Variants in BOLL observed in about 807,000 individuals in gnomAD.
BOLL encodes the protein protein boule-like.
A neutral mutation model predicts 44.4 loss-of-function variants in BOLL; 23 were observed. That is an observed-to-expected ratio of 0.52 (90% CI 0.37 to 0.73). The LOEUF is 0.73. BOLL is among the 30% of genes least tolerant of loss of function. BOLL has a pLI of 0.00. For missense variants in BOLL, 287 were observed against 338.3 expected (o/e 0.85, Z 1.19); for synonymous variants, 97 against 110.8 (o/e 0.88, Z 0.78).
chr2:197,766,787 C>A (rs189230211), intron 6 of BOLL, among the ~76,000 whole-genome samples, 184 bp from the exon 7 acceptor site: 99 of 152,004 alleles, frequency 6.5e-4, no homozygotes, highest in African/African-American at 2.2e-3. Flanking sequence ...CACAATATTT[C>A]TACTTCTACG....
At chr2:197,782,944 A>C (rs780471903) in intron 1 of BOLL, among the ~76,000 whole-genome samples, 3 of 152,104 alleles carry the variant, frequency 2.0e-5, no homozygotes, top group African/African-American at 2.4e-5. Context: ...AATTTTAATA[A>C]ATATATATAA....
chr2:197,752,240 A>G (rs1404341614), intron 9 of BOLL, among the ~76,000 whole-genome samples: 2 of 152,184 alleles, frequency 1.3e-5, no homozygotes, highest in African/African-American at 4.8e-5. Flanking sequence ...AAACCGGCAC[A>G]AGACAAGGAT....
intron 10 of BOLL, among the ~76,000 whole-genome samples, chr2:197,734,072 G>A (rs1433255845): frequency 2.3e-4 from 35 of 151,028 alleles, no homozygotes; most frequent in Non-Finnish European, 3.4e-4. Flanking sequence ...ATCTGACAAA[G>A]GGCTAATATC....
intron 5 of BOLL, among the ~76,000 whole-genome samples, chr2:197,772,532 G>A (rs1160736054): frequency 6.6e-6 from 1 of 151,796 alleles, no homozygotes. Context: ...TCATGCTATG[G>A]CTGTCTTTTA....
At chr2:197,730,869 G>A (rs1574791666) in intron 10 of BOLL, among the ~76,000 whole-genome samples, 2 of 152,152 alleles carry the variant, frequency 1.3e-5, no homozygotes, top group East Asian at 3.9e-4. Flanking sequence ...ATGCCAAAAT[G>A]TAAAGACCAT....
intron 2 of BOLL, among the ~76,000 whole-genome samples, chr2:197,779,876 GA>G (rs952995339): frequency 5.3e-5 from 8 of 151,772 alleles, no homozygotes; most frequent in African/African-American, 1.9e-4. Flanking sequence ...CTTTTCTCTA[GA>G]AAAAAATTTC....
upstream of BOLL, chr2:197,786,032 G>A (rs771134107): frequency 4.8e-5 from 78 of 1,608,746 alleles, no homozygotes; most frequent in South Asian, 1.1e-5. This position sits in a 1 kb window ranked among gnomAD's most constrained non-coding sequence, Gnocchi z 5.9. Flanking sequence ...GAGACGCGGG[G>A]TAGGGAAAAG....
intron 9 of BOLL, among the ~76,000 whole-genome samples, chr2:197,748,037 A>G (rs191333463): frequency 6.6e-6 from 1 of 152,240 alleles, no homozygotes; most frequent in Admixed American, 6.5e-5. Flanking sequence ...TGCATTTCCA[A>G]CTGAGGTACC....
At chr2:197,784,057 A>C (rs1689923738) in intron 1 of BOLL, among the ~76,000 whole-genome samples, 1 of 152,098 alleles carries the variant, frequency 6.6e-6, no homozygotes, top group South Asian at 2.1e-4. Flanking sequence ...TGAGAAAAGA[A>C]AAACAACCTT....
At chr2:197,760,640 T>C (rs1489648358) in intron 7 of BOLL, among the ~76,000 whole-genome samples, 2 of 152,118 alleles carry the variant, frequency 1.3e-5, no homozygotes, top group South Asian at 2.1e-4. Flanking sequence ...CCTACCACCA[T>C]TGTCATAGAC....
At chr2:197,759,398 T>G (rs1305535943) in intron 7 of BOLL, among the ~76,000 whole-genome samples, 1 of 152,144 alleles carries the variant, frequency 6.6e-6, no homozygotes, top group African/African-American at 2.4e-5. Context: ...TTTGAAGAGC[T>G]GCTGGGAATT....
intron 1 of BOLL, among the ~76,000 whole-genome samples, chr2:197,782,267 C>T (rs1046489350): frequency 6.6e-6 from 1 of 152,110 alleles, no homozygotes; most frequent in Non-Finnish European, 1.5e-5. Context: ...CTGTGGTGTT[C>T]TCTTGTTAAC....
chr2:197,745,896 C>T (rs1574820908), intron 9 of BOLL, among the ~76,000 whole-genome samples: 1 of 152,050 alleles, frequency 6.6e-6, no homozygotes, highest in African/African-American at 2.4e-5. Context: ...GGTAGAAGCA[C>T]AAAATATCTC....
intron 7 of BOLL, among the ~76,000 whole-genome samples, chr2:197,759,867 C>T (rs1329941779): frequency 6.6e-6 from 1 of 152,198 alleles, no homozygotes; most frequent in Admixed American, 6.5e-5. Context: ...CCAGAGGTGC[C>T]TCACGCCCTG....
At chr2:197,732,242 C>G (rs890866128) in intron 10 of BOLL, among the ~76,000 whole-genome samples, 2 of 151,954 alleles carry the variant, frequency 1.3e-5, no homozygotes, top group Non-Finnish European at 2.9e-5. Flanking sequence ...CACATACACT[C>G]TCCCAAGACT....
intron 9 of BOLL, among the ~76,000 whole-genome samples, chr2:197,749,447 G>A (rs560439757): frequency 8.2e-4 from 124 of 152,046 alleles, no homozygotes; most frequent in Non-Finnish European, 1.4e-3. Flanking sequence ...CGAGCTAAAG[G>A]CGCATGTTCT....
At position 197,771,583 on chromosome 2, in the gene BOLL, T is replaced by C. The variant is rs185264430; in HGVS notation, c.480+272A>G. ...TGAATACATATATTTGTAGTAAAAA[T>C]ATATAAAATGAATAGGAAAGATATT... On this transcript the variant is annotated intron_variant, in intron 6 of 10. Transcript: ENST00000392296. Among the ~76,000 whole-genome samples, 68 of 152,094 alleles carry C rather than the reference T, an allele frequency of 4.5e-4. 2 individuals carry two copies. In the South Asian group the frequency reaches 1.0e-2, roughly 22 times the overall value.
intron 6 of BOLL, among the ~76,000 whole-genome samples, chr2:197,767,039 T>A (rs1028757923): frequency 1.3e-5 from 2 of 152,030 alleles, no homozygotes; most frequent in Admixed American, 1.3e-4. Context: ...TAGTTACAAA[T>A]AATCAATGTT....
intron 3 of BOLL, 103 bp downstream of exon 3, chr2:197,778,872 G>T: frequency 1.1e-6 from 1 of 875,272 alleles, no homozygotes; most frequent in Non-Finnish European, 1.8e-6. Context: ...GGGCATGATG[G>T]TCTCTGCTGG....
Sources: allele counts gnomAD v4.1 joint callset (sites outside exome capture counted in the v4.1 genomes callset), GRCh38; gene constraint gnomAD v4.1.1; non-coding constraint Gnocchi (gnomAD v3.1); transcripts MANE v1.5; gene names NCBI Gene and HGNC (gene_info 2026-07-23, HGNC 2026-07-21).